Variants in NPSR1 observed in about 807,000 individuals in gnomAD.
NPSR1 encodes neuropeptide S receptor.
NPSR1 carries 48 observed loss-of-function variants against 46.9 expected under a neutral mutation model. The observed-to-expected ratio is 1.02, with a 90% CI of 0.81 to 1.30. NPSR1 has a LOEUF of 1.30. NPSR1 is among the 50% of genes most tolerant of loss of function. The probability of loss-of-function intolerance (pLI) is 0.00; values close to 1 mark genes in which losing one functional copy is unlikely to be tolerated. For synonymous variants in NPSR1, 176 were observed against 168.1 expected (o/e 1.05, Z -0.36); for missense variants, 450 against 449.5 (o/e 1.00, Z -0.01).
At chr7:34,749,373 A>AG (rs1446670666) in intron 2 of NPSR1, among the ~76,000 whole-genome samples, 1 of 152,330 alleles carries the variant, frequency 6.6e-6, no homozygotes, top group Non-Finnish European at 1.5e-5. Context: ...GGGGGTAGAA[A>AG]GGGGAAGTGA....
At chr7:34,691,045 C>T (rs1234439535) in intron 2 of NPSR1, among the ~76,000 whole-genome samples, 6 of 152,166 alleles carry the variant, frequency 3.9e-5, no homozygotes, top group Non-Finnish European at 8.8e-5. Flanking sequence ...AGAAACCCTA[C>T]ATGCCAGAAG....
chr7:34,818,617 C>A (rs1331255730), intron 4 of NPSR1, among the ~76,000 whole-genome samples: 3 of 152,164 alleles, frequency 2.0e-5, no homozygotes, highest in East Asian at 3.8e-4. Flanking sequence ...CCAAGACAAT[C>A]CTAAGCAAAA....
At chr7:34,875,027 G>T (rs1346557968) in intron 8 of NPSR1, among the ~76,000 whole-genome samples, 7 of 152,090 alleles carry the variant, frequency 4.6e-5, no homozygotes, top group Non-Finnish European at 8.8e-5. Flanking sequence ...CAGCTTAATT[G>T]CCTGCTTCCA....
In NPSR1 at chr7:34,790,150, G is replaced by A. The variant is rs1048179126; in HGVS notation, c.384+11585G>A. 4.6e-5 allele frequency among the ~76,000 whole-genome samples: 7 copies of A among 152,090 alleles called. No individual in the cohort carries two copies. In the East Asian group the frequency reaches 1.4e-3, roughly 29 times the overall value. ...AAATACTAGCAAACATATTTCAATA[G>A]CACACTTGAAATATTATTCACCATG... On this transcript the variant is annotated intron_variant, in intron 3 of 8. Coordinates refer to ENST00000360581, the MANE Select transcript of NPSR1 (RefSeq NM_207172.2).
At chr7:34,730,524 A>G (rs763728517) in intron 2 of NPSR1, among the ~76,000 whole-genome samples, 1 of 152,234 alleles carries the variant, frequency 6.6e-6, no homozygotes, top group Non-Finnish European at 1.5e-5. Flanking sequence ...AAGGCTCTCA[A>G]TGGTTAAATA....
chr7:34,849,843 G>A lies in NPSR1; in HGVS notation c.*188G>A. 26 of 1,354,792 alleles carry A rather than the reference G, an allele frequency of 1.9e-5. No homozygotes were observed. The highest frequency in any genetic ancestry group is 2.5e-5 in the Non-Finnish European group (26 of 1,051,582). 83.9% of individuals were successfully genotyped at this position (1,354,792 alleles called of 1,614,324 possible). A position where few individuals can be genotyped will look rare whatever the true frequency, so the allele number is the denominator to read the frequency against. ...AGTATTGGCCAACACGAACTCCCCA[G>A]TTATTCATGCCAGCCAGGAAGGAAA... On this transcript the variant is annotated 3_prime_UTR_variant, in exon 9 of 9. Transcript: ENST00000360581.
At chr7:34,785,227 T>C (rs1787409067) in intron 3 of NPSR1, among the ~76,000 whole-genome samples, 1 of 151,904 alleles carries the variant, frequency 6.6e-6, no homozygotes, top group African/African-American at 2.4e-5. Flanking sequence ...TCATGTCCTT[T>C]GTAGGGACAC....
chr7:34,811,884 G>T (rs1338493373), intron 4 of NPSR1, 21 bp downstream of exon 4: 2 of 1,548,556 alleles, frequency 1.3e-6, no homozygotes, highest in East Asian at 2.2e-5. Flanking sequence ...TTTACCAGGT[G>T]CTCTTTCATA....
chr7:34,858,636 A>C (rs1328474440), intron 8 of NPSR1, among the ~76,000 whole-genome samples: 1 of 151,900 alleles, frequency 6.6e-6, no homozygotes, highest in Non-Finnish European at 1.5e-5. Flanking sequence ...GAGGTTTCAC[A>C]ATCATGGCAG....
chr7:34,713,000 C>T (rs1384752532), intron 2 of NPSR1, among the ~76,000 whole-genome samples: 1 of 152,182 alleles, frequency 6.6e-6, no homozygotes, highest in South Asian at 2.1e-4. Flanking sequence ...TCTACATTAT[C>T]TAGGAGATCC....
At chr7:34,799,036 C>T (rs547141875) in intron 3 of NPSR1, among the ~76,000 whole-genome samples, 142 of 151,778 alleles carry the variant, frequency 9.4e-4, no homozygotes, top group African/African-American at 3.2e-3. Flanking sequence ...TAATCTTAGG[C>T]CTTAGGAAAC....
At chr7:34,791,652 C>A (rs527943014) in intron 3 of NPSR1, among the ~76,000 whole-genome samples, 13 of 151,966 alleles carry the variant, frequency 8.6e-5, no homozygotes, top group Admixed American at 2.0e-4. Flanking sequence ...AGATTCAATG[C>A]ATTCCCTATC....
intron 2 of NPSR1, among the ~76,000 whole-genome samples, chr7:34,714,508 C>A (rs376750816): frequency 6.6e-6 from 1 of 152,194 alleles, no homozygotes; most frequent in Admixed American, 6.5e-5. Context: ...TGGTGCACTT[C>A]AGAAGTGACC....
intron 2 of NPSR1, among the ~76,000 whole-genome samples, chr7:34,776,634 C>T (rs943398858): frequency 1.3e-5 from 2 of 152,110 alleles, no homozygotes; most frequent in African/African-American, 4.8e-5. Context: ...AGCAACAGAT[C>T]ATTGAATCCC....
intron 2 of NPSR1, among the ~76,000 whole-genome samples, chr7:34,777,442 T>G (rs1354364397): frequency 6.6e-6 from 1 of 151,674 alleles, no homozygotes; most frequent in African/African-American, 2.4e-5. Context: ...CTGCTGCCAT[T>G]GGTGGGGGAT....
chr7:34,688,539 G>T (rs1793057772), intron 2 of NPSR1, among the ~76,000 whole-genome samples: 1 of 152,102 alleles, frequency 6.6e-6, no homozygotes, highest in Admixed American at 6.5e-5. Context: ...CAAAGAACTT[G>T]GTGTAGTGGC....
intron 2 of NPSR1, among the ~76,000 whole-genome samples, chr7:34,717,568 T>A (rs1025982442): frequency 1.3e-5 from 2 of 152,134 alleles, no homozygotes; most frequent in Non-Finnish European, 2.9e-5. Context: ...GGGAAAATGA[T>A]CCAAATGAGA....
chr7:34,779,637 T>A, intron 3 of NPSR1: 2 of 1,169,976 alleles, frequency 1.7e-6, no homozygotes, highest in Non-Finnish European at 2.2e-6. Flanking sequence ...AAGTTTGGTA[T>A]GTCTGAAAGA....
chr7:34,717,829 T>A (rs567281590), intron 2 of NPSR1, among the ~76,000 whole-genome samples: 5 of 152,216 alleles, frequency 3.3e-5, no homozygotes, highest in Non-Finnish European at 5.9e-5. Flanking sequence ...GGCATTTTCA[T>A]GAGGACACAT....
Sources: allele counts gnomAD v4.1 joint callset (sites outside exome capture counted in the v4.1 genomes callset), GRCh38; gene constraint gnomAD v4.1.1; transcripts MANE v1.5; gene names NCBI Gene and HGNC (gene_info 2026-07-23, HGNC 2026-07-21).